Variants in AP4E1 observed in about 807,000 individuals in gnomAD.
AP4E1 encodes the protein adaptor related protein complex 4 subunit epsilon 1.
In AP4E1, 56 loss-of-function variants were observed where a neutral mutation model predicts 128.2. The observed-to-expected ratio is 0.44, with a 90% CI of 0.35 to 0.55. The LOEUF is 0.55. AP4E1 is among the 20% of genes least tolerant of loss of function. AP4E1 has a pLI of 0.00. For synonymous variants in AP4E1, 484 were observed against 473.1 expected (o/e 1.02, Z -0.30); for missense variants, 1,324 against 1,307.7 (o/e 1.01, Z -0.19).
intron 15 of AP4E1, among the ~76,000 whole-genome samples, chr15:50,969,660 C>CTTTTTTTTTTT (rs370228298): frequency 7.5e-6 from 1 of 133,978 alleles, no homozygotes. Context: ...CAATATCTTT[C>CTTTTTTTTTTT]TTTTTTTTTT....
chr15:50,999,598 G>A (rs2140937352), intron 19 of AP4E1, among the ~76,000 whole-genome samples: 1 of 152,184 alleles, frequency 6.6e-6, no homozygotes, highest in African/African-American at 2.4e-5. Context: ...GATTCTGCAT[G>A]GCTTTTAAAA....
chr15:50,938,018 G>A (rs568619095), intron 8 of AP4E1, among the ~76,000 whole-genome samples: 1 of 152,174 alleles, frequency 6.6e-6, no homozygotes, highest in East Asian at 1.9e-4. Context: ...ATCAAAAGTA[G>A]GTAGATAGAA....
chr15:50,957,221 C>A (rs547370771), intron 13 of AP4E1, among the ~76,000 whole-genome samples: 3 of 152,228 alleles, frequency 2.0e-5, no homozygotes, highest in African/African-American at 7.2e-5. Context: ...GATTTTGTTG[C>A]CAGTGAAAGT....
At chr15:50,982,107 A>AAAAAC (rs2064651138) in intron 15 of AP4E1, among the ~76,000 whole-genome samples, 1 of 150,900 alleles carries the variant, frequency 6.6e-6, no homozygotes, top group Non-Finnish European at 1.5e-5. Flanking sequence ...AAAAAAAAAA[A>AAAAAC]AAGCAAGTTC....
chr15:50,910,134 A>G (rs373977684), intron 1 of AP4E1, among the ~76,000 whole-genome samples: 107 of 152,302 alleles, frequency 7.0e-4, no homozygotes, highest in African/African-American at 2.4e-3. Context: ...TTATAGGCGT[A>G]TGCCACTACG....
chr15:50,977,627 A>G (rs1413809536), intron 15 of AP4E1, among the ~76,000 whole-genome samples: 1 of 152,100 alleles, frequency 6.6e-6, no homozygotes, highest in African/African-American at 2.4e-5. Context: ...GCTATAAGAC[A>G]AAATAAAGAG....
chr15:50,949,687 C>T (rs897801197), intron 11 of AP4E1, 139 bp from the exon 12 acceptor site: 7 of 701,528 alleles, frequency 1.0e-5, no homozygotes, highest in Middle Eastern at 3.5e-4. Flanking sequence ...AACTGGGGTA[C>T]AGAACAATTT....
intron 15 of AP4E1, among the ~76,000 whole-genome samples, chr15:50,969,294 A>T (rs1567244618): frequency 6.6e-6 from 1 of 152,124 alleles, no homozygotes; most frequent in Non-Finnish European, 1.5e-5. Flanking sequence ...TTTGCTAAGG[A>T]TGGCCTCCAG....
rs199751052 is a variant in AP4E1, at chr15:50,928,143, A to G, written c.543-866A>G. ...TGAACTGGGCAAAGAGAGGAATAAC[A>G]TCTTTTTATTCCATGTGTGTCCTTG... On this transcript the variant is annotated intron_variant, in intron 5 of 20. Transcript: ENST00000261842. Among the ~76,000 whole-genome samples the G allele has an allele frequency of 2.0e-5, 3 of 152,276 alleles. No individual in the cohort carries two copies. The East Asian group carries it at 5.8e-4, about 29-fold the overall frequency.
At chr15:50,984,201 C>A (rs34877644) in intron 16 of AP4E1, 56 bp downstream of exon 16, 1 of 1,600,790 alleles carries the variant, frequency 6.2e-7, no homozygotes, top group South Asian at 1.1e-5. Flanking sequence ...TGTCTTTTAG[C>A]GTTCCATTTG....
intron 2 of AP4E1, 46 bp downstream of exon 2, chr15:50,912,195 G>T (rs774258032): frequency 6.7e-7 from 1 of 1,497,798 alleles, no homozygotes; most frequent in South Asian, 1.1e-5. Flanking sequence ...TTGAAATCTA[G>T]TCACTGTGGA....
At chr15:50,910,204 C>G (rs527272413) in intron 1 of AP4E1, among the ~76,000 whole-genome samples, 4 of 152,310 alleles carry the variant, frequency 2.6e-5, no homozygotes, top group South Asian at 4.1e-4. Context: ...GCAGGCTGGT[C>G]TTGAACTGAC....
chr15:50,954,914 A>C (rs7161775), intron 13 of AP4E1, among the ~76,000 whole-genome samples: 1 of 152,082 alleles, frequency 6.6e-6, no homozygotes, highest in African/African-American at 2.4e-5. Context: ...TCATTGTTCA[A>C]TTCCCACCTA....
chr15:50,997,876 A>AT lies in AP4E1; in HGVS notation c.2900dup (p.Lys968GlnfsTer4). The AT allele has an allele frequency of 1.3e-6, 2 of 1,597,106 alleles. No homozygotes were observed. The highest frequency in any genetic ancestry group is 1.7e-6 in the Non-Finnish European group (2 of 1,170,150). On this transcript the variant is annotated frameshift_variant, in exon 18 of 21. Transcript: ENST00000261842. LOFTEE classifies it high-confidence loss of function. The stretch of plus-strand genomic sequence containing the variant: ...GACTTAGAAATTTTTCCTGCAGAAA[A>AT]TTTCAAGGTAAAATTTAAAGGTATT...
intron 15 of AP4E1, among the ~76,000 whole-genome samples, chr15:50,981,656 T>C (rs2064643839): frequency 6.6e-6 from 1 of 152,204 alleles, no homozygotes; most frequent in African/African-American, 2.4e-5. Flanking sequence ...GAATGTGTAC[T>C]CCAAAGTTCA....
intron 10 of AP4E1, chr15:50,944,608 G>A: frequency 3.7e-6 from 1 of 271,444 alleles, no homozygotes; most frequent in Non-Finnish European, 6.8e-6. Context: ...ATCAGGCAGT[G>A]GACAGAACTC....
At chr15:51,002,462 C>A in intron 20 of AP4E1, 40 bp from the exon 21 acceptor site, 2 of 1,606,850 alleles carry the variant, frequency 1.2e-6, no homozygotes, top group South Asian at 2.2e-5. Context: ...TGTTTAACTC[C>A]TTTTGCATTA....
rs71127168 is a variant in AP4E1 at position 50,962,889 on chromosome 15, C to CAAAAA, written c.1851+4118_1851+4122dup. On this transcript the variant is annotated intron_variant, in intron 14 of 20. Coordinates refer to ENST00000261842, the MANE Select transcript of AP4E1 (RefSeq NM_007347.5). ...ATATATAAGGAACTCAATTCAACAG[C>CAAAAA]AAAAAAAAAAAAAAAAAAAAAAAAA... is the stretch of plus-strand genomic sequence containing the variant. Among the ~76,000 whole-genome samples the CAAAAA allele has an allele frequency of 3.5e-3, 134 of 38,706 alleles. 18 individuals carry two copies. Among genetic ancestry groups the CAAAAA allele is most frequent in the African/African-American group, 0.014 (122 of 8,716 alleles). 25.4% of individuals were successfully genotyped at this position (38,706 alleles called of 152,430 possible). A position where few individuals can be genotyped will look rare whatever the true frequency, so the allele number is the denominator to read the frequency against.
At chr15:50,939,693 C>T (rs2063957366) in intron 8 of AP4E1, among the ~76,000 whole-genome samples, 1 of 152,066 alleles carries the variant, frequency 6.6e-6, no homozygotes, top group African/African-American at 2.4e-5. Context: ...TTATGAGCAT[C>T]TGAATATAAA....
Sources: gnomAD v4.1 joint callset for allele counts (sites outside exome capture counted in the v4.1 genomes callset) on GRCh38, gnomAD v4.1.1 for gene constraint, MANE v1.5 for transcripts, NCBI Gene and HGNC (gene_info 2026-07-23, HGNC 2026-07-21) for gene names.